FER: variants seen among roughly 807,000 people sequenced by gnomAD.
The protein encoded by FER is FER tyrosine kinase.
Under a neutral mutation model 111.0 loss-of-function variants are expected in FER, and 63 were observed. That is an observed-to-expected ratio of 0.57 (90% CI 0.46 to 0.70). The LOEUF is 0.70. Ranked by LOEUF, FER falls within the 30% of genes least tolerant of loss-of-function variation. The pLI, the probability that FER is intolerant of heterozygous loss-of-function variation, is 0.00. For missense variants in FER, 914 were observed against 954.0 expected (o/e 0.96, Z 0.55); for synonymous variants, 327 against 313.9 (o/e 1.04, Z -0.44).
intron 17 of FER, among the ~76,000 whole-genome samples, chr5:109,168,613 A>G (rs1756789623): frequency 1.3e-5 from 2 of 152,164 alleles, no homozygotes; most frequent in Admixed American, 1.3e-4. Context: ...CTTCATTTGT[A>G]TTCTTCAAGA....
intron 13 of FER, among the ~76,000 whole-genome samples, chr5:108,989,868 A>G (rs1308613574): frequency 3.3e-5 from 5 of 151,980 alleles, no homozygotes; most frequent in African/African-American, 9.6e-5. Context: ...TAATGCATTT[A>G]TTTTAATTTG....
At chr5:108,801,366 A>G (rs185455279) in intron 3 of FER, among the ~76,000 whole-genome samples, 5 of 152,334 alleles carry the variant, frequency 3.3e-5, no homozygotes, top group Admixed American at 2.0e-4. Flanking sequence ...TTTGTCTATC[A>G]TGACATCAGT....
intron 14 of FER, among the ~76,000 whole-genome samples, chr5:109,040,234 T>C (rs1009425947): frequency 6.6e-6 from 1 of 152,040 alleles, no homozygotes; most frequent in Admixed American, 6.6e-5. Flanking sequence ...ACAAATCTGG[T>C]AGTTGTTAGT....
At chr5:108,789,331 G>C (rs1284753771) in intron 2 of FER, among the ~76,000 whole-genome samples, 2 of 151,882 alleles carry the variant, frequency 1.3e-5, no homozygotes, top group Non-Finnish European at 2.9e-5. Context: ...TTGTCACATA[G>C]AGTTTAATTT....
rs558330122 is a variant in FER, at chr5:108,883,481, A to G, written c.1009A>G (p.Ile337Val). The stretch of plus-strand genomic sequence containing the variant: ...GGCTGTTTTGGAGTTAGAGAAGAGA[A>G]TTGAAGAATCTTCTGAAACTTGTGA... ...EEAVLELEKR[I>V]EESSETCEKK... Residue 337 changes from isoleucine (I) to valine (V), a missense_variant, in exon 9 of 20, where the codon ATT (isoleucine) becomes GTT (valine). Ile to Val is a conservative substitution (Grantham distance 29). This residue lies in a region of FER where 774 missense variants were observed against 782.6 expected (regional missense o/e 0.99). Transcript: ENST00000281092. 3.1e-6 allele frequency: 5 copies of G among 1,607,848 alleles called. No individual in the cohort carries two copies. In the African/African-American group the frequency reaches 6.7e-5, roughly 22 times the overall value.
intron 17 of FER, among the ~76,000 whole-genome samples, chr5:109,158,225 AC>A (rs1410507273): frequency 7.2e-5 from 11 of 151,834 alleles, no homozygotes; most frequent in Admixed American, 5.3e-4. Flanking sequence ...CAAAAAAAAT[AC>A]CAAAAAATTA....
chr5:109,129,264 T>G (rs1752088121), intron 17 of FER, among the ~76,000 whole-genome samples: 1 of 152,048 alleles, frequency 6.6e-6, no homozygotes, highest in Admixed American at 6.5e-5. Context: ...TTGTTCTGTT[T>G]GAATAATAGT....
chr5:109,001,334 A>C (rs532060125), intron 13 of FER, among the ~76,000 whole-genome samples: 1 of 152,318 alleles, frequency 6.6e-6, no homozygotes, highest in East Asian at 1.9e-4. Context: ...TCAACATACG[A>C]AAATCAATAA....
At chr5:108,993,602 GGC>G (rs1382248465) in intron 13 of FER, among the ~76,000 whole-genome samples, 1,469 of 125,906 alleles carry the variant, frequency 0.012, 23 homozygotes, top group African/African-American at 0.039. Flanking sequence ...AGAGGGCGAG[GGC>G]GAGGGAGAGG....
chr5:108,823,627 A>AT (rs1316837166), intron 3 of FER, among the ~76,000 whole-genome samples: 4 of 151,986 alleles, frequency 2.6e-5, no homozygotes, highest in Non-Finnish European at 4.4e-5. Context: ...AAACTGAGCT[A>AT]TTTTTTTCTG....
At chr5:109,070,679 G>A (rs1232112418) in intron 16 of FER, among the ~76,000 whole-genome samples, 1 of 151,816 alleles carries the variant, frequency 6.6e-6, no homozygotes, top group African/African-American at 2.4e-5. Flanking sequence ...CTCAATACTT[G>A]GGAAAAGAAA....
At chr5:109,007,069 T>C (rs977353517) in intron 13 of FER, among the ~76,000 whole-genome samples, 15 of 152,178 alleles carry the variant, frequency 9.9e-5, no homozygotes, top group African/African-American at 3.6e-4. Flanking sequence ...TGAGGCATTA[T>C]TTTTTAGATG....
intron 16 of FER, among the ~76,000 whole-genome samples, chr5:109,088,060 G>A (rs1188246001): frequency 2.0e-5 from 3 of 151,890 alleles, no homozygotes; most frequent in Non-Finnish European, 4.4e-5. Flanking sequence ...ATTGGCCATA[G>A]TAAATCTTTC....
intron 1 of FER, among the ~76,000 whole-genome samples, chr5:108,767,838 C>T (rs1372213387): frequency 6.6e-6 from 1 of 152,124 alleles, no homozygotes; most frequent in Admixed American, 6.5e-5. Context: ...CATGAATTAC[C>T]TCTTGAAAAC....
At chr5:108,939,209 A>ATG (rs35374959) in intron 10 of FER, among the ~76,000 whole-genome samples, 72,974 of 151,626 alleles carry the variant, frequency 0.48, 18,195 homozygotes, top group African/African-American at 0.52. Flanking sequence ...TTTATAAAGA[A>ATG]TTTAATCTAC....
intron 3 of FER, among the ~76,000 whole-genome samples, chr5:108,801,363 A>G (rs1344907501): frequency 1.3e-5 from 2 of 152,204 alleles, no homozygotes; most frequent in East Asian, 1.9e-4. Flanking sequence ...ATTTTTGTCT[A>G]TCATGACATC....
At chr5:108,828,819 G>C (rs937829561) in intron 3 of FER, among the ~76,000 whole-genome samples, 1 of 152,156 alleles carries the variant, frequency 6.6e-6, no homozygotes, top group Non-Finnish European at 1.5e-5. Context: ...TTAGCTTGCA[G>C]CTGGGTGCAG....
intron 18 of FER, among the ~76,000 whole-genome samples, chr5:109,184,748 A>T (rs1758676320): frequency 6.6e-6 from 1 of 152,224 alleles, no homozygotes; most frequent in Non-Finnish European, 1.5e-5. Context: ...ACTAAGAAGG[A>T]CGCTACTTCA....
At chr5:108,859,855 TTTC>T (rs1274121446) in intron 5 of FER, among the ~76,000 whole-genome samples, 2 of 151,788 alleles carry the variant, frequency 1.3e-5, no homozygotes, top group African/African-American at 4.8e-5. Context: ...TTAGTAAATG[TTTC>T]TTGATAAATC....
Sources: allele counts gnomAD v4.1 joint callset (sites outside exome capture counted in the v4.1 genomes callset), GRCh38; gene constraint gnomAD v4.1.1; regional missense constraint gnomAD v4.1.1; transcripts MANE v1.5; gene names NCBI Gene and HGNC (gene_info 2026-07-23, HGNC 2026-07-21).